The following TBC1D1 variants were observed in gnomAD, a reference collection of about 807,000 sequenced individuals.
TBC1D1 encodes TBC1 (tre-2/USP6, BUB2, cdc16) domain family, member 1.
A neutral mutation model predicts 125.6 loss-of-function variants in TBC1D1; 89 were observed. The ratio of observed to expected loss-of-function variants is 0.71; its 90% CI spans 0.60 to 0.85. TBC1D1 has a LOEUF of 0.85. Among genes scored for constraint, TBC1D1 ranks in the 40% least tolerant of loss-of-function variants. The pLI is 0.00. For missense variants in TBC1D1, 1,377 were observed against 1,469.2 expected, an observed-to-expected ratio of 0.94 and a Z score of 1.03; for synonymous variants, 565 against 564.1, an observed-to-expected ratio of 1.00 and a Z score of -0.02.
rs185025437 is a variant in TBC1D1 at position 37,934,431 on chromosome 4, C to T, written c.417+31919C>T. Among the ~76,000 whole-genome samples, 30 of 152,082 alleles carry T rather than the reference C, an allele frequency of 2.0e-4. 1 individual carries two copies. Among genetic ancestry groups the T allele is most frequent in the South Asian group, 6.2e-4 (3 of 4,822 alleles). The stretch of plus-strand genomic sequence containing the variant: ...ATGTATCCACGATATGGCTTGAAAA[C>T]GGGAGGGAGCGAAGAGAGTAAGTCA... On this transcript the variant is annotated intron_variant, in intron 2 of 19. Transcript: ENST00000261439.
intron 2 of TBC1D1, among the ~76,000 whole-genome samples, chr4:37,914,604 T>G (rs1050327394): frequency 3.9e-5 from 6 of 152,202 alleles, no homozygotes; most frequent in Non-Finnish European, 7.3e-5. Flanking sequence ...CAAAGACATC[T>G]TCTAAAACCC....
chr4:37,961,133 G>A, intron 2 of TBC1D1: 3 of 1,344,450 alleles, frequency 2.2e-6, no homozygotes, highest in South Asian at 2.6e-5. Flanking sequence ...TATAAAGTGG[G>A]TCATATTCCT....
At chr4:38,065,644 CTT>C (rs11447003) in intron 12 of TBC1D1, among the ~76,000 whole-genome samples, 4 of 119,628 alleles carry the variant, frequency 3.3e-5, no homozygotes, top group Non-Finnish European at 3.4e-5. Context: ...GTATTACCGC[CTT>C]TTTTTTTTTT....
At chr4:37,982,470 T>C (rs1734526610) in intron 2 of TBC1D1, among the ~76,000 whole-genome samples, 1 of 152,144 alleles carries the variant, frequency 6.6e-6, no homozygotes, top group Non-Finnish European at 1.5e-5. Flanking sequence ...ATTTGAAAAA[T>C]GTGCTGCCTC....
chr4:38,111,422 CTG>C (rs1282943960), intron 15 of TBC1D1, among the ~76,000 whole-genome samples: 10 of 152,138 alleles, frequency 6.6e-5, no homozygotes, highest in Non-Finnish European at 1.3e-4. Flanking sequence ...TTAATTAAAA[CTG>C]AGATTAGTAT....
At chr4:38,048,477 G>C (rs1221545987) in intron 10 of TBC1D1, among the ~76,000 whole-genome samples, 1 of 151,626 alleles carries the variant, frequency 6.6e-6, no homozygotes, top group African/African-American at 2.4e-5. Context: ...TAGTATGTTG[G>C]GAATTTTTTC....
intron 5 of TBC1D1, 95 bp from the exon 6 acceptor site, chr4:38,021,491 C>A: frequency 8.3e-7 from 1 of 1,200,240 alleles, no homozygotes; most frequent in Non-Finnish European, 1.1e-6. Context: ...ACTCTTAAAG[C>A]TTAAAAAATC....
chr4:37,942,204 C>A (rs1725706330), intron 2 of TBC1D1, among the ~76,000 whole-genome samples: 1 of 152,198 alleles, frequency 6.6e-6, no homozygotes, highest in Non-Finnish European at 1.5e-5. Context: ...AATCTGGGTG[C>A]TCCTGTATTG....
At chr4:38,073,935 C>T (rs1023087856) in intron 12 of TBC1D1, among the ~76,000 whole-genome samples, 3 of 152,186 alleles carry the variant, frequency 2.0e-5, no homozygotes, top group Non-Finnish European at 1.5e-5. Context: ...ACTTTTAAGA[C>T]AACCAAAAGG....
chr4:38,032,315 T>A lies in TBC1D1; in HGVS notation c.1303-3273T>A, dbSNP rs983931332. ...GCCTGGGGGATAGAGCGAGATGCTG[T>A]CTCCCCCAAAAAAAGAAAGAAATGG... On this transcript the variant is annotated intron_variant, in intron 7 of 19. Transcript: ENST00000261439. Among the ~76,000 whole-genome samples, 9 of 151,860 alleles carry A rather than the reference T, an allele frequency of 5.9e-5. No homozygotes were observed. In the East Asian group the frequency reaches 1.8e-3, roughly 30 times the overall value.
intron 2 of TBC1D1, among the ~76,000 whole-genome samples, chr4:38,007,450 A>G (rs1251305048): frequency 6.6e-6 from 1 of 151,804 alleles, no homozygotes; most frequent in Non-Finnish European, 1.5e-5. Flanking sequence ...ACGGGGTTTC[A>G]CCTTGTTGGT....
At chr4:37,911,014 A>G (rs925150960) in intron 2 of TBC1D1, among the ~76,000 whole-genome samples, 1 of 151,544 alleles carries the variant, frequency 6.6e-6, no homozygotes, top group Non-Finnish European at 1.5e-5. Flanking sequence ...TAAACTACGT[A>G]TGTAGCTTGC....
rs188649658 is a variant in TBC1D1, at chr4:37,954,331, T to A, written c.417+51819T>A. Among the ~76,000 whole-genome samples, 785 of 151,922 alleles carry A rather than the reference T, an allele frequency of 5.2e-3. 7 individuals carry two copies. The highest frequency in any genetic ancestry group is 6.8e-3 in the Middle Eastern group (2 of 292). On this transcript the variant is annotated intron_variant, in intron 2 of 19. Transcript: ENST00000261439. ...GGTACTGAACATGTTGACTTTTAGA[T>A]GACTCACTTGGGAAGATAAAAGGAT...
rs180778179 is a variant in TBC1D1, at chr4:38,137,363, A to G, written c.*28A>G. 4 of 1,601,276 alleles carry G rather than the reference A, an allele frequency of 2.5e-6. No individual in the cohort carries two copies. In the East Asian group the frequency reaches 6.7e-5, roughly 27 times the overall value. ...GCTCTGCAGGAGAGATTGCAACACC[A>G]TCCCACACTGTCCAGGCCTTAACTG... is the stretch of plus-strand genomic sequence containing the variant. On this transcript the variant is annotated 3_prime_UTR_variant, in exon 20 of 20. Transcript: ENST00000261439.
At position 37,898,701 on chromosome 4, in the gene TBC1D1, A is replaced by C. The variant is rs115176363; in HGVS notation, c.-93-3302A>C. On this transcript the variant is annotated intron_variant, in intron 1 of 19. Coordinates refer to ENST00000261439, the MANE Select transcript of TBC1D1 (RefSeq NM_015173.4). ...GCTACTGTGACTGCCCTGAGTAATA[A>C]ATTGTCCTTCGTCTCCAACCCAGGA... 1.7e-3 allele frequency among the ~76,000 whole-genome samples: 255 copies of C among 152,242 alleles called. 1 individual carries two copies. Among genetic ancestry groups the C allele is most frequent in the African/African-American group, 5.9e-3 (246 of 41,548 alleles).
rs115420064 is a variant in TBC1D1, at chr4:37,931,221, C to T, written c.417+28709C>T. 3.0e-3 allele frequency among the ~76,000 whole-genome samples: 450 copies of T among 151,890 alleles called. 1 individual carries two copies. The highest frequency in any genetic ancestry group is 9.8e-3 in the African/African-American group (406 of 41,428). On this transcript the variant is annotated intron_variant, in intron 2 of 19. Coordinates refer to ENST00000261439, the MANE Select transcript of TBC1D1 (RefSeq NM_015173.4). ...AGGTTCAAGTGATTCTCCTGCCTCA[C>T]CCTCCCAAGGAACTGCAGGTGCCTG...
intron 12 of TBC1D1, among the ~76,000 whole-genome samples, chr4:38,061,539 A>G (rs563250409): frequency 2.0e-5 from 3 of 152,348 alleles, no homozygotes; most frequent in South Asian, 2.1e-4. Context: ...TTCACCAACA[A>G]TAGAAGCTTT....
intron 12 of TBC1D1, among the ~76,000 whole-genome samples, chr4:38,069,339 GCTT>G (rs1395596182): frequency 4.6e-5 from 7 of 152,176 alleles, no homozygotes; most frequent in Non-Finnish European, 1.0e-4. Flanking sequence ...GTTGTTTTCA[GCTT>G]CTTAGCCCCC....
At chr4:38,002,243 A>C (rs1052804599) in intron 2 of TBC1D1, among the ~76,000 whole-genome samples, 2 of 152,226 alleles carry the variant, frequency 1.3e-5, no homozygotes, top group Non-Finnish European at 2.9e-5. Context: ...TAAAAAAGAA[A>C]GGGTTAAACT....
Sources: gnomAD v4.1 joint callset for allele counts (sites outside exome capture counted in the v4.1 genomes callset) on GRCh38, gnomAD v4.1.1 for gene constraint, MANE v1.5 for transcripts, NCBI Gene and HGNC (gene_info 2026-07-23, HGNC 2026-07-21) for gene names.